The following CSF1R variants were observed in gnomAD, a reference collection of about 807,000 sequenced individuals.
CSF1R encodes macrophage colony-stimulating factor 1 receptor.
Under a neutral mutation model 110.0 loss-of-function variants are expected in CSF1R, and 40 were observed. The ratio of observed to expected loss-of-function variants is 0.36; its 90% CI spans 0.28 to 0.47. The LOEUF (loss-of-function observed/expected upper bound fraction) is 0.47, where lower values mean the gene tolerates loss of function less well. Ranked by LOEUF, CSF1R falls within the 20% of genes least tolerant of loss-of-function variation. CSF1R has a pLI of 0.99. For missense variants in CSF1R, 1,052 were observed against 1,253.0 expected (o/e 0.84, Z 2.42); for synonymous variants, 523 against 503.4 (o/e 1.04, Z -0.52).
intron 3 of CSF1R, among the ~76,000 whole-genome samples, chr5:150,079,676 A>G (rs2113829827): frequency 6.6e-6 from 1 of 152,386 alleles, no homozygotes; most frequent in South Asian, 2.1e-4. Flanking sequence ...CTGCTGAAGC[A>G]GATCTTTGCA....
Position 150,054,160 on chromosome 5 carries a change from T to G in CSF1R, c.2828A>C (p.Glu943Ala), listed in dbSNP as rs1757069345. 1 of 1,613,504 alleles carries G rather than the reference T, an allele frequency of 6.2e-7. No homozygotes were observed. Among genetic ancestry groups the G allele is most frequent in the Non-Finnish European group, 8.5e-7 (1 of 1,179,796 alleles). Residue 943 changes from glutamate (E) to alanine (A), a missense_variant, in exon 21 of 21, where the codon GAG (glutamate) becomes GCG (alanine). Around this residue, in one of 5 missense-constraint regions of CSF1R, gnomAD observed 85 missense variants for 78.8 expected, o/e 1.08. Transcript: ENST00000675795. Reference sequence around the variant, plus strand: ...CAGGTGCTCACTAGAGCTCTCCTCCTCCAGCTCACTGCTGCTGCTGCCGCT... The same window carrying G: ...CAGGTGCTCACTAGAGCTCTCCTCCGCCAGCTCACTGCTGCTGCTGCCGCT... Reference protein sequence around the residue: ...GGSGSSSSELEEESSSEHLTC... With the variant: ...GGSGSSSSELAEESSSEHLTC...
chr5:150,059,931 CTG>C, intron 13 of CSF1R, 69 bp from the exon 14 acceptor site: 1 of 1,536,072 alleles, frequency 6.5e-7, no homozygotes, highest in South Asian at 1.2e-5. Flanking sequence ...GAGCATGAGA[CTG>C]GGGGCAGTGA....
rs369678672 is a variant in CSF1R, at chr5:150,070,523, G to T, written c.1131C>A (p.Gly377=). The T allele has an allele frequency of 3.2e-6, 5 of 1,552,554 alleles. No individual in the cohort carries two copies. The highest frequency in any genetic ancestry group is 4.4e-6 in the Non-Finnish European group (5 of 1,147,986). ...SLPRLKPSEA[G]RYSFLARNPG... is the part of the protein sequence containing the mutation. ...GGTTTCTGGCCAGGAAGGAGTAGCG[G>T]CCAGCCTCAGAGGGCTTCAGGCGGG... The change falls in exon 7 of 21, where the codon GGC becomes GGA. Residue 377 remains glycine, a synonymous_variant. Transcript: ENST00000675795.
upstream of CSF1R, among the ~76,000 whole-genome samples, chr5:150,086,871 T>G (rs1260326188): frequency 2.0e-5 from 3 of 152,184 alleles, no homozygotes; most frequent in Admixed American, 6.5e-5. Flanking sequence ...AAAGAGAAGT[T>G]AGGTTGCATG....
intron 5 of CSF1R, chr5:150,076,994 G>T: frequency 2.1e-6 from 1 of 484,952 alleles, no homozygotes; most frequent in South Asian, 2.1e-5. Context: ...AAGTCCAGTA[G>T]GGAGCTACTG....
rs748027297 is a variant in CSF1R, at chr5:150,073,580, G to C, written c.890-87C>G. 5 of 1,391,250 alleles carry C rather than the reference G, an allele frequency of 3.6e-6. No homozygotes were observed. The African/African-American group carries it at 7.1e-5, about 20-fold the overall frequency. 86.2% of individuals were successfully genotyped at this position (1,391,250 alleles called of 1,614,324 possible). The stretch of plus-strand genomic sequence containing the variant: ...ATTTTGTCATCCACCCATTGATCCA[G>C]TCCCTGAGCAGCTATGTCACAGGTA... On this transcript the variant is annotated intron_variant, in intron 5 of 20. Transcript: ENST00000675795.
chr5:150,092,624 G>A (rs1006470792), intron 1 of CSF1R, among the ~76,000 whole-genome samples: 41 of 152,158 alleles, frequency 2.7e-4, no homozygotes, highest in Non-Finnish European at 1.8e-4. Flanking sequence ...AGGCAAAAGA[G>A]TATATGCAGG....
chr5:150,063,322 C>T (rs1254025345), intron 10 of CSF1R, among the ~76,000 whole-genome samples: 1 of 151,888 alleles, frequency 6.6e-6, no homozygotes, highest in African/African-American at 2.4e-5. Context: ...GTGAGAGACC[C>T]TGAGAGTTTG....
At chr5:150,068,447 G>A in intron 9 of CSF1R, 117 bp from the exon 10 acceptor site, 1 of 652,614 alleles carries the variant, frequency 1.5e-6, no homozygotes, top group Non-Finnish European at 2.6e-6. Flanking sequence ...TTGACTGAAT[G>A]AAGCATCCTC....
Position 150,074,305 on chromosome 5 carries a change from GT to G in CSF1R, c.890-813del, listed in dbSNP as rs35475636. On this transcript the variant is annotated intron_variant, in intron 5 of 20. Coordinates refer to ENST00000675795, the MANE Select transcript of CSF1R (RefSeq NM_001288705.3). The stretch of plus-strand genomic sequence containing the variant: ...CTTGTATCTGAAAGAGTCCTGACTA[GT>G]TTTTTTTTTTTTTTTTTTTGAAACA... 2.5e-3 allele frequency among the ~76,000 whole-genome samples: 319 copies of G among 126,860 alleles called. 1 individual carries two copies. The highest frequency in any genetic ancestry group is 6.2e-3 in the African/African-American group (210 of 33,670). The allele number at this position is 126,860 out of a possible 152,430, so 83.2% of individuals were successfully genotyped here.
chr5:150,096,925 C>A (rs1759241484), intron 1 of CSF1R, among the ~76,000 whole-genome samples: 1 of 152,150 alleles, frequency 6.6e-6, no homozygotes, highest in Non-Finnish European at 1.5e-5. Context: ...TTATACTGAA[C>A]TATTCAACAG....
chr5:150,097,523 A>G (rs1414605963), intron 1 of CSF1R, among the ~76,000 whole-genome samples: 1 of 152,236 alleles, frequency 6.6e-6, no homozygotes, highest in African/African-American at 2.4e-5. Context: ...GATTGTCTTC[A>G]TAGAAAATGC....
intron 13 of CSF1R, 50 bp downstream of exon 13, chr5:150,060,812 A>AT (rs1234297669): frequency 7.9e-7 from 1 of 1,265,528 alleles, no homozygotes; most frequent in Non-Finnish European, 1.1e-6. Flanking sequence ...GGGCCCTGAG[A>AT]TTCCCCAGAG....
Position 150,086,359 on chromosome 5 carries a change from A to C in CSF1R, c.49+20T>G, listed in dbSNP as rs1370296785. ...CCATCACACCCCAACAAAGTCCCCC[A>C]CCCCCCGTTCTGCTCTTACCATGCC... On this transcript the variant is annotated intron_variant, in intron 1 of 20. Coordinates refer to ENST00000675795, the MANE Select transcript of CSF1R (RefSeq NM_001288705.3). 1.9e-6 allele frequency: 3 copies of C among 1,591,094 alleles called. No individual in the cohort carries two copies. In the African/African-American group the frequency reaches 4.0e-5, roughly 21 times the overall value.
At chr5:150,096,782 A>G (rs1306661363) in intron 1 of CSF1R, among the ~76,000 whole-genome samples, 1 of 152,206 alleles carries the variant, frequency 6.6e-6, no homozygotes, top group Middle Eastern at 3.2e-3. Flanking sequence ...TTCAATGTTC[A>G]TTTCTAAAGG....
chr5:150,095,128 A>T, intron 1 of CSF1R: 1 of 744,538 alleles, frequency 1.3e-6, no homozygotes, highest in Non-Finnish European at 2.1e-6. Context: ...AAAAAAAAAA[A>T]AAAAAGAACA....
chr5:150,100,223 A>T (rs909416887), intron 1 of CSF1R, among the ~76,000 whole-genome samples: 1 of 150,820 alleles, frequency 6.6e-6, no homozygotes, highest in Non-Finnish European at 1.5e-5. Flanking sequence ...CACTTGACAG[A>T]TGATAGAACC....
intron 1 of CSF1R, among the ~76,000 whole-genome samples, chr5:150,101,732 A>G (rs552433209): frequency 6.6e-6 from 1 of 150,966 alleles, no homozygotes; most frequent in African/African-American, 2.4e-5. Context: ...TGTCCCCATA[A>G]ATGGAAGGCC....
At chr5:150,066,354 A>G (rs909198592) in intron 10 of CSF1R, among the ~76,000 whole-genome samples, 3 of 152,066 alleles carry the variant, frequency 2.0e-5, no homozygotes, top group Non-Finnish European at 4.4e-5. Flanking sequence ...CAACTTTCTC[A>G]TCATCCCATA....
Sources: allele counts gnomAD v4.1 joint callset (sites outside exome capture counted in the v4.1 genomes callset), GRCh38; gene constraint gnomAD v4.1.1; regional missense constraint gnomAD v4.1.1; transcripts MANE v1.5; gene names NCBI Gene and HGNC (gene_info 2026-07-23, HGNC 2026-07-21).